The following LARP1B variants were observed in gnomAD, a reference collection of about 807,000 sequenced individuals.
LARP1B encodes La ribonucleoprotein 1B.
In LARP1B, 76 loss-of-function variants were observed where a neutral mutation model predicts 114.2. That is an observed-to-expected ratio of 0.67 (90% CI 0.55 to 0.81). The LOEUF (loss-of-function observed/expected upper bound fraction) is 0.81, where lower values mean the gene tolerates loss of function less well. Ranked by LOEUF, LARP1B falls within the 30% of genes least tolerant of loss-of-function variation. The pLI is 0.00. For synonymous variants in LARP1B, 345 were observed against 348.0 expected, an observed-to-expected ratio of 0.99 and a Z score of 0.10; for missense variants, 1,014 against 1,075.8, an observed-to-expected ratio of 0.94 and a Z score of 0.80.
chr4:128,208,366 T>A (rs1758154802), intron 19 of LARP1B, among the ~76,000 whole-genome samples: 1 of 151,880 alleles, frequency 6.6e-6, no homozygotes, highest in East Asian at 1.9e-4. Flanking sequence ...AATTTTAAAT[T>A]TAAAAATAGG....
intron 10 of LARP1B, among the ~76,000 whole-genome samples, chr4:128,120,043 A>T (rs1787363555): frequency 6.6e-6 from 1 of 152,180 alleles, no homozygotes; most frequent in South Asian, 2.1e-4. Flanking sequence ...ATTTTAAAAA[A>T]TATATATTCA....
intron 12 of LARP1B, among the ~76,000 whole-genome samples, 180 bp from the exon 13 acceptor site, chr4:128,176,688 TTATG>T (rs1746329110): frequency 6.6e-6 from 1 of 152,150 alleles, no homozygotes; most frequent in Admixed American, 6.6e-5. Flanking sequence ...TTCCCAAACA[TTATG>T]TATGGTAGGC....
At chr4:128,098,988 G>A (rs951849685) in intron 8 of LARP1B, among the ~76,000 whole-genome samples, 1 of 150,336 alleles carries the variant, frequency 6.7e-6, no homozygotes, top group African/African-American at 2.4e-5. Context: ...ATCTTGGCCA[G>A]GCTGGTCTCG....
intron 7 of LARP1B, among the ~76,000 whole-genome samples, chr4:128,093,512 T>C (rs10434050): frequency 0.65 from 98,239 of 151,132 alleles, 32,187 homozygotes; most frequent in Middle Eastern, 0.82. Flanking sequence ...AGGAGAATGG[T>C]GTGAACCTGG....
At chr4:128,159,543 C>T (rs1737434588) in intron 11 of LARP1B, among the ~76,000 whole-genome samples, 1 of 152,154 alleles carries the variant, frequency 6.6e-6, no homozygotes, top group Admixed American at 6.6e-5. Context: ...TCCATAGATC[C>T]TCTTCCCCTA....
chr4:128,179,533 T>G (rs1396891144), intron 15 of LARP1B, 21 bp downstream of exon 15: 4 of 1,470,514 alleles, frequency 2.7e-6, no homozygotes, highest in East Asian at 2.3e-5. Context: ...TCTCAAACAT[T>G]ACTTTTTTGT....
chr4:128,102,976 CTT>C (rs1336516048), intron 8 of LARP1B, among the ~76,000 whole-genome samples: 3 of 152,136 alleles, frequency 2.0e-5, no homozygotes, highest in Non-Finnish European at 4.4e-5. Context: ...ACATTCAAGT[CTT>C]TCTCTTACTA....
intron 11 of LARP1B, among the ~76,000 whole-genome samples, chr4:128,135,027 C>CG (rs953109716): frequency 6.6e-6 from 1 of 151,764 alleles, no homozygotes. Context: ...GCTTGAACCC[C>CG]GGAGGTGGGG....
chr4:128,072,370 A>G (rs1765707211), intron 1 of LARP1B, among the ~76,000 whole-genome samples: 3 of 152,156 alleles, frequency 2.0e-5, no homozygotes, highest in African/African-American at 4.8e-5. Flanking sequence ...TGTCTGTCTT[A>G]CTAATGATGT....
chr4:128,116,121 T>C (rs1236569811), intron 10 of LARP1B, among the ~76,000 whole-genome samples: 2 of 152,198 alleles, frequency 1.3e-5, no homozygotes, highest in African/African-American at 4.8e-5. Flanking sequence ...GAGAGTGAGA[T>C]GGTTATATTT....
intron 15 of LARP1B, among the ~76,000 whole-genome samples, chr4:128,191,020 T>A (rs974783035): frequency 3.9e-5 from 6 of 152,192 alleles, no homozygotes; most frequent in African/African-American, 1.4e-4. Context: ...GACTGTATTT[T>A]CCAATAGGCT....
intron 11 of LARP1B, 21 bp downstream of exon 11, chr4:128,122,209 T>A: frequency 6.2e-7 from 1 of 1,608,292 alleles, no homozygotes; most frequent in South Asian, 1.1e-5. Context: ...CTGGCCAACA[T>A]CTTTCTACTG....
At chr4:128,085,514 T>C (rs187218364) in intron 5 of LARP1B, among the ~76,000 whole-genome samples, 93 of 152,048 alleles carry the variant, frequency 6.1e-4, no homozygotes, top group African/African-American at 2.1e-3. Flanking sequence ...GACAGGTGCG[T>C]GCCACCATGC....
Position 128,083,665 on chromosome 4 carries a change from G to A in LARP1B, c.358+1360G>A, listed in dbSNP as rs530172253. On this transcript the variant is annotated intron_variant, in intron 5 of 19. Transcript: ENST00000326639. ...TCCCGGACGGGGCGGCTGGCCAGGT[G>A]GGGGGGCTGAGCCCCCCCACCTCCC... Among the ~76,000 whole-genome samples, 7 of 95,174 alleles carry A rather than the reference G, an allele frequency of 7.4e-5. 1 individual carries two copies. Among genetic ancestry groups the A allele is most frequent in the Non-Finnish European group, 1.8e-4 (7 of 39,624 alleles). 62.4% of individuals were successfully genotyped at this position (95,174 alleles called of 152,430 possible).
chr4:128,104,430 A>C (rs1781373329), intron 8 of LARP1B, among the ~76,000 whole-genome samples: 1 of 152,028 alleles, frequency 6.6e-6, no homozygotes, highest in African/African-American at 2.4e-5. Context: ...ACAGTTAATC[A>C]ATCTTTCTTT....
At chr4:128,122,815 C>T (rs1455067567) in intron 11 of LARP1B, 3 of 1,089,964 alleles carry the variant, frequency 2.8e-6, no homozygotes, top group East Asian at 5.3e-5. Flanking sequence ...ATCCTGGTTC[C>T]TATCCTAGTT....
At chr4:128,176,173 T>A (rs1308229467) in intron 12 of LARP1B, among the ~76,000 whole-genome samples, 1 of 142,892 alleles carries the variant, frequency 7.0e-6, no homozygotes, top group African/African-American at 2.5e-5. Flanking sequence ...ATATATATTA[T>A]ATATAAATAT....
chr4:128,115,718 C>T (rs1483050000), intron 10 of LARP1B, among the ~76,000 whole-genome samples: 1 of 152,154 alleles, frequency 6.6e-6, no homozygotes, highest in Non-Finnish European at 1.5e-5. Context: ...GCTGTTGCTG[C>T]CATGTTGGCT....
intron 16 of LARP1B, 113 bp from the exon 17 acceptor site, chr4:128,200,408 A>G: frequency 1.4e-6 from 1 of 715,278 alleles, no homozygotes; most frequent in Non-Finnish European, 2.1e-6. Context: ...AGAAACCTAA[A>G]TACACTTTGA....
Sources: gnomAD v4.1 joint callset for allele counts (sites outside exome capture counted in the v4.1 genomes callset) on GRCh38, gnomAD v4.1.1 for gene constraint, MANE v1.5 for transcripts, NCBI Gene and HGNC (gene_info 2026-07-23, HGNC 2026-07-21) for gene names.